The following PTPN11 variants were observed in gnomAD, a reference collection of about 807,000 sequenced individuals.
PTPN11 encodes the protein tyrosine-protein phosphatase non-receptor type 11.
PTPN11 carries 6 observed loss-of-function variants against 78.8 expected under a neutral mutation model. The ratio of observed to expected loss-of-function variants is 0.08; its 90% confidence interval spans 0.04 to 0.15. The LOEUF is 0.15. Ranked by LOEUF, PTPN11 falls within the 10% of genes least tolerant of loss-of-function variation. PTPN11 has a pLI of 1.00. For missense variants in PTPN11, 386 were observed against 744.8 expected (o/e 0.52, Z 5.61); for synonymous variants, 221 against 263.5 (o/e 0.84, Z 1.56).
intron 1 of PTPN11, among the ~76,000 whole-genome samples, chr12:112,446,069 C>A (rs542111254): frequency 4.3e-4 from 66 of 151,958 alleles, no homozygotes; most frequent in African/African-American, 1.6e-3. Flanking sequence ...TCCCCAGACA[C>A]CCCTACTGAA....
At chr12:112,458,636 G>T (rs995938285) in intron 6 of PTPN11, among the ~76,000 whole-genome samples, 13 of 152,186 alleles carry the variant, frequency 8.5e-5, no homozygotes, top group Admixed American at 3.3e-4. Flanking sequence ...CAGGCTTCGC[G>T]TTAGGCTCTG....
At chr12:112,467,357 G>A (rs931875498) in intron 6 of PTPN11, among the ~76,000 whole-genome samples, 1 of 152,114 alleles carries the variant, frequency 6.6e-6, no homozygotes, top group Admixed American at 6.5e-5. Flanking sequence ...GGTTCTGAAG[G>A]CTGTACAAGC....
In PTPN11 at chr12:112,436,407, C is replaced by T. The variant is rs185992266; in HGVS notation, c.15-9869C>T. 3.3e-5 allele frequency among the ~76,000 whole-genome samples: 5 copies of T among 152,278 alleles called. No homozygotes were observed. The South Asian group carries it at 8.3e-4, about 25-fold the overall frequency. On this transcript the variant is annotated intron_variant, in intron 1 of 15. Coordinates refer to ENST00000351677, the MANE Select transcript of PTPN11 (RefSeq NM_002834.5). ...AAACACTATTATTATCCACATTTTACAGATGTAAAAACCGAAGCAGAGAGA... is the reference window on the plus strand; with the variant it reads ...AAACACTATTATTATCCACATTTTATAGATGTAAAAACCGAAGCAGAGAGA...
intron 9 of PTPN11, among the ~76,000 whole-genome samples, chr12:112,480,486 T>C (rs2158292): frequency 0.23 from 34,470 of 151,488 alleles, 6,437 homozygotes; most frequent in East Asian, 0.85. Context: ...CCTGCCTCAG[T>C]GCCTGAGTAG....
chr12:112,504,856 C>A lies in PTPN11; in HGVS notation c.*32+60C>A. The A allele has an allele frequency of 8.9e-7, 1 of 1,119,620 alleles. No homozygotes were observed. 69.4% of individuals were successfully genotyped at this position (1,119,620 alleles called of 1,614,324 possible). On this transcript the variant is annotated intron_variant, in intron 15 of 15. Transcript: ENST00000351677. This position sits in a 1 kb window ranked among gnomAD's most constrained non-coding sequence, Gnocchi z 4.7. Reference sequence around the variant, plus strand: ...TTATATAATTGGCAGTATTTTTAAGCAGGCAAGCAATTTGGGAATGTTTTA... The same window carrying A: ...TTATATAATTGGCAGTATTTTTAAGAAGGCAAGCAATTTGGGAATGTTTTA...
intron 13 of PTPN11, among the ~76,000 whole-genome samples, chr12:112,494,272 T>C (rs2038788158): frequency 6.6e-6 from 1 of 152,222 alleles, no homozygotes; most frequent in Non-Finnish European, 1.5e-5. Flanking sequence ...TTTTGTTCCC[T>C]GTGCTTTTGG....
intron 13 of PTPN11, among the ~76,000 whole-genome samples, chr12:112,501,316 CA>C (rs1411813775): frequency 6.6e-6 from 1 of 152,060 alleles, no homozygotes; most frequent in East Asian, 1.9e-4. Context: ...TCATCAGAAC[CA>C]AAAATAAAGT....
intron 2 of PTPN11, among the ~76,000 whole-genome samples, chr12:112,449,131 C>T (rs188838656): frequency 0.014 from 2,193 of 151,398 alleles, 20 homozygotes; most frequent in Non-Finnish European, 0.023. Context: ...AGGTGATCCT[C>T]CCACCTCAGC....
At chr12:112,485,367 T>C (rs1240707896) in intron 10 of PTPN11, among the ~76,000 whole-genome samples, 1 of 152,170 alleles carries the variant, frequency 6.6e-6, no homozygotes, top group South Asian at 2.1e-4. Flanking sequence ...CATGATACTT[T>C]TTGGTTTTCT....
rs1260890455 is a variant in PTPN11, at chr12:112,437,832, G to T, written c.15-8444G>T. On this transcript the variant is annotated intron_variant, in intron 1 of 15. Coordinates refer to ENST00000351677, the MANE Select transcript of PTPN11 (RefSeq NM_002834.5). ...CCCTATTTTTTCTTATTTTTAATCA[G>T]GTAGCCTCTGAACCAGAATAGGTTC... Among the ~76,000 whole-genome samples, 5 of 152,096 alleles carry T rather than the reference G, an allele frequency of 3.3e-5. No individual in the cohort carries two copies. In the East Asian group the frequency reaches 7.7e-4, roughly 23 times the overall value.
At chr12:112,497,239 T>C (rs946216968) in intron 13 of PTPN11, among the ~76,000 whole-genome samples, 14 of 152,038 alleles carry the variant, frequency 9.2e-5, no homozygotes, top group African/African-American at 3.4e-4. Context: ...TTGCACAGGC[T>C]GAATCTGAGT....
At chr12:112,433,096 A>G (rs11066300) in intron 1 of PTPN11, among the ~76,000 whole-genome samples, 3 of 152,074 alleles carry the variant, frequency 2.0e-5, no homozygotes, top group Non-Finnish European at 2.9e-5. Flanking sequence ...CCTGACCTCA[A>G]GTGATCCGCC....
chr12:112,442,887 ATACAC>A (rs1470200313), intron 1 of PTPN11, among the ~76,000 whole-genome samples: 1 of 105,754 alleles, frequency 9.5e-6, no homozygotes, highest in Non-Finnish European at 1.9e-5. Context: ...TAAATTATAT[ATACAC>A]TACACATATA....
chr12:112,445,234 C>T (rs773754612), intron 1 of PTPN11, among the ~76,000 whole-genome samples: 4 of 152,082 alleles, frequency 2.6e-5, no homozygotes, highest in African/African-American at 4.8e-5. Flanking sequence ...TGGATTCAAG[C>T]AATTCTCCTG....
intron 6 of PTPN11, among the ~76,000 whole-genome samples, chr12:112,459,384 G>C (rs893888395): frequency 6.6e-6 from 1 of 151,296 alleles, no homozygotes; most frequent in Non-Finnish European, 1.5e-5. Context: ...AATCTTTTTC[G>C]ACTCTGCCCC....
intron 1 of PTPN11, among the ~76,000 whole-genome samples, chr12:112,430,555 A>G (rs544045632): frequency 1.3e-5 from 2 of 151,114 alleles, no homozygotes; most frequent in East Asian, 3.9e-4. Flanking sequence ...CAGCCTCTAG[A>G]GTAGATGGGA....
intron 1 of PTPN11, among the ~76,000 whole-genome samples, chr12:112,442,095 G>A (rs185749820): frequency 2.0e-5 from 3 of 152,096 alleles, no homozygotes; most frequent in Non-Finnish European, 2.9e-5. Context: ...CTTTTTGCTG[G>A]TAACTAGAGA....
At chr12:112,458,875 A>T (rs1340578701) in intron 6 of PTPN11, among the ~76,000 whole-genome samples, 1 of 152,156 alleles carries the variant, frequency 6.6e-6, no homozygotes, top group Admixed American at 6.6e-5. Context: ...TCTACAAAAA[A>T]TACAAAAAGT....
At chr12:112,476,648 A>G (rs1021372576) in intron 7 of PTPN11, among the ~76,000 whole-genome samples, 3 of 152,128 alleles carry the variant, frequency 2.0e-5, no homozygotes, top group Non-Finnish European at 4.4e-5. Context: ...ACGCTCCTGT[A>G]ATCCCAGTTA....
Sources: gnomAD v4.1 joint callset for allele counts (sites outside exome capture counted in the v4.1 genomes callset) on GRCh38, gnomAD v4.1.1 for gene constraint, Gnocchi (gnomAD v3.1) non-coding constraint, MANE v1.5 for transcripts, NCBI Gene and HGNC (gene_info 2026-07-23, HGNC 2026-07-21) for gene names.